KCNAB1: variants seen among roughly 807,000 people sequenced by gnomAD.
KCNAB1 encodes potassium voltage-gated channel subfamily A regulatory beta subunit 1.
In KCNAB1, 35 loss-of-function variants were observed where a neutral mutation model predicts 64.6. The ratio of observed to expected loss-of-function variants is 0.54; its 90% CI spans 0.41 to 0.72. KCNAB1 has a LOEUF of 0.72. Ranked by LOEUF, KCNAB1 falls within the 30% of genes least tolerant of loss-of-function variation. KCNAB1 has a pLI of 0.00. For missense variants in KCNAB1, 401 were observed against 512.9 expected (o/e 0.78, Z 2.11); for synonymous variants, 177 against 183.8 (o/e 0.96, Z 0.30).
Position 156,474,762 on chromosome 3 carries a change from G to A in KCNAB1, c.600G>A (p.Gln200=). The A allele has an allele frequency of 6.2e-7, 1 of 1,613,388 alleles. No individual in the cohort carries two copies. Among genetic ancestry groups the A allele is most frequent in the Non-Finnish European group, 8.5e-7 (1 of 1,179,518 alleles). The change falls in exon 8 of 14, where the codon CAG becomes CAA. Residue 200 remains glutamine (Q), a synonymous_variant. Transcript: ENST00000490337. The part of the protein sequence containing the change: ...EGLKGSLQRL[Q]LEYVDVVFAN... ...TGAAGGGCTCCCTCCAGAGGCTGCA[G>A]CTCGAGTATGTGGATGTGGTCTTTG...
rs386398329 is a variant in KCNAB1, at chr3:156,139,584, GTTTTTTTTT to G, written c.275+18716_275+18724del. ...TTTCTCCCTAACTCCATTGTACTGT[GTTTTTTTTT>G]TTTTTTTTTTTTTTTTTGTTCCCCC... is the stretch of plus-strand genomic sequence containing the variant. On this transcript the variant is annotated intron_variant, in intron 1 of 13. Transcript: ENST00000490337. Among the ~76,000 whole-genome samples the G allele has an allele frequency of 7.4e-4, 41 of 55,256 alleles. No individual in the cohort carries two copies. The East Asian group carries it at 0.014, about 18-fold the overall frequency. The allele number at this position is 55,256 out of a possible 152,430, so 36.3% of individuals were successfully genotyped here.
intron 2 of KCNAB1, among the ~76,000 whole-genome samples, chr3:156,427,513 A>G (rs899558710): frequency 1.3e-5 from 2 of 152,222 alleles, no homozygotes; most frequent in Admixed American, 6.5e-5. Flanking sequence ...TCTGGCTAGT[A>G]GCAGGTATTC....
At chr3:156,137,517 T>C (rs948404184) in intron 1 of KCNAB1, among the ~76,000 whole-genome samples, 9 of 151,806 alleles carry the variant, frequency 5.9e-5, no homozygotes, top group African/African-American at 2.2e-4. Flanking sequence ...CAGAGACATT[T>C]AACATTAGAT....
At chr3:156,206,018 G>A (rs1714638996) in intron 1 of KCNAB1, among the ~76,000 whole-genome samples, 1 of 152,102 alleles carries the variant, frequency 6.6e-6, no homozygotes, top group Non-Finnish European at 1.5e-5. Context: ...CTACATTACT[G>A]TGCACTGTCC....
chr3:156,169,912 G>GACT (rs1365548264), intron 1 of KCNAB1, among the ~76,000 whole-genome samples: 1 of 152,112 alleles, frequency 6.6e-6, no homozygotes, highest in Non-Finnish European at 1.5e-5. Context: ...TGTGAAAATG[G>GACT]ACTAATACAG....
intron 2 of KCNAB1, among the ~76,000 whole-genome samples, chr3:156,431,016 G>A (rs970410407): frequency 1.3e-5 from 2 of 152,160 alleles, no homozygotes; most frequent in Non-Finnish European, 2.9e-5. Flanking sequence ...AATGGGGACC[G>A]GAATCCATGT....
At chr3:156,492,267 C>T (rs979491668) in intron 8 of KCNAB1, among the ~76,000 whole-genome samples, 1 of 152,068 alleles carries the variant, frequency 6.6e-6, no homozygotes, top group African/African-American at 2.4e-5. Flanking sequence ...AAGATAAAAG[C>T]CTTAACATAT....
chr3:156,326,255 C>T (rs946187042), intron 1 of KCNAB1, among the ~76,000 whole-genome samples: 2 of 152,136 alleles, frequency 1.3e-5, no homozygotes, highest in African/African-American at 2.4e-5. Flanking sequence ...ATCTCTTAAA[C>T]TGCTGCCCTA....
chr3:156,148,359 C>T (rs2108290785), intron 1 of KCNAB1, among the ~76,000 whole-genome samples: 1 of 152,326 alleles, frequency 6.6e-6, no homozygotes, highest in East Asian at 1.9e-4. Context: ...TATACTTCTT[C>T]AATGCCTTTG....
In KCNAB1 at chr3:156,121,066, A is replaced by G. The variant is rs951320906; in HGVS notation, c.275+180A>G. On this transcript the variant is annotated intron_variant, in intron 1 of 13. Transcript: ENST00000490337. Reference sequence around the variant, plus strand: ...AGGATCTTGGTGCAAATGGCAAATAATGTTCCCTGCATTGTTATTCAGAAA... The same window carrying G: ...AGGATCTTGGTGCAAATGGCAAATAGTGTTCCCTGCATTGTTATTCAGAAA... Among the ~76,000 whole-genome samples the G allele has an allele frequency of 3.9e-5, 6 of 152,300 alleles. No homozygotes were observed. In the South Asian group the frequency reaches 1.2e-3, roughly 32 times the overall value.
chr3:156,459,775 CT>C, intron 4 of KCNAB1, 51 bp from the exon 5 acceptor site: 1 of 1,373,326 alleles, frequency 7.3e-7, no homozygotes. Flanking sequence ...TGGATTGACT[CT>C]TGCTTTTCCA....
chr3:156,285,526 G>T (rs1286374663), intron 1 of KCNAB1, among the ~76,000 whole-genome samples: 2 of 151,964 alleles, frequency 1.3e-5, no homozygotes, highest in Non-Finnish European at 2.9e-5. Context: ...GGGGATGGGG[G>T]GGTCTCACTT....
At chr3:156,248,692 T>C (rs999511782) in intron 1 of KCNAB1, among the ~76,000 whole-genome samples, 1 of 152,162 alleles carries the variant, frequency 6.6e-6, no homozygotes, top group Non-Finnish European at 1.5e-5. Context: ...CGAAGTCACA[T>C]GTTGACTTTA....
At position 156,320,910 on chromosome 3, in the gene KCNAB1, C is replaced by CTT. The variant is rs113105509; in HGVS notation, c.276-100694_276-100693dup. Among the ~76,000 whole-genome samples, 1,307 of 146,112 alleles carry CTT rather than the reference C, an allele frequency of 8.9e-3. 17 individuals are homozygous for CTT. The highest frequency in any genetic ancestry group is 0.031 in the African/African-American group (1,248 of 40,134). On this transcript the variant is annotated intron_variant, in intron 1 of 13. Coordinates refer to ENST00000490337, the MANE Select transcript of KCNAB1 (RefSeq NM_172160.3). Reference sequence around the variant, plus strand: ...CCCAGCACAAGTGCTTGCTTGTCTACTTTTTTTTTTTTTCTACATGTATTT... The same window carrying CTT: ...CCCAGCACAAGTGCTTGCTTGTCTACTTTTTTTTTTTTTTTCTACATGTATTT...
chr3:156,401,340 C>T (rs778209964), intron 1 of KCNAB1, among the ~76,000 whole-genome samples: 3 of 152,234 alleles, frequency 2.0e-5, no homozygotes, highest in South Asian at 2.1e-4. Context: ...GTTTCACCAG[C>T]AATTCTGCAT....
intron 2 of KCNAB1, among the ~76,000 whole-genome samples, chr3:156,422,049 C>T (rs1305828051): frequency 6.6e-6 from 1 of 152,204 alleles, no homozygotes; most frequent in Non-Finnish European, 1.5e-5. Context: ...CTAATTTCCT[C>T]ACTTTTCTAT....
At chr3:156,524,553 C>T (rs919641953) in intron 12 of KCNAB1, among the ~76,000 whole-genome samples, 6 of 152,004 alleles carry the variant, frequency 3.9e-5, no homozygotes, top group Non-Finnish European at 7.4e-5. Flanking sequence ...CGAGACCATC[C>T]TGGCTAACAC....
At chr3:156,486,646 T>C (rs760315797) in intron 8 of KCNAB1, among the ~76,000 whole-genome samples, 1 of 152,126 alleles carries the variant, frequency 6.6e-6, no homozygotes, top group Non-Finnish European at 1.5e-5. Flanking sequence ...GGAAGGTAGT[T>C]ACAAATGTCT....
At chr3:156,291,681 G>A in intron 1 of KCNAB1, 1 of 1,408,964 alleles carries the variant, frequency 7.1e-7, no homozygotes, top group Non-Finnish European at 9.2e-7. Context: ...GGGGCCGTCT[G>A]TTTACTTCTC....
Sources: allele counts gnomAD v4.1 joint callset (sites outside exome capture counted in the v4.1 genomes callset), GRCh38; gene constraint gnomAD v4.1.1; transcripts MANE v1.5; gene names NCBI Gene and HGNC (gene_info 2026-07-23, HGNC 2026-07-21).